Variants in MAPK8 observed in about 807,000 individuals in gnomAD.
MAPK8 encodes mitogen-activated protein kinase 8, also known as JUN N-terminal kinase.
In MAPK8, 13 loss-of-function variants were observed where a neutral mutation model predicts 52.9. The observed-to-expected ratio is 0.25, with a 90% CI of 0.16 to 0.39. MAPK8 has a LOEUF of 0.39. Ranked by LOEUF, MAPK8 falls within the 10% of genes least tolerant of loss-of-function variation. MAPK8 has a pLI of 1.00. For synonymous variants in MAPK8, 191 were observed against 169.8 expected, an observed-to-expected ratio of 1.12 and a Z score of -0.97; for missense variants, 300 against 519.2, an observed-to-expected ratio of 0.58 and a Z score of 4.10.
chr10:48,346,702 G>A (rs1283570042), intron 1 of MAPK8, among the ~76,000 whole-genome samples: 1 of 152,188 alleles, frequency 6.6e-6, no homozygotes, highest in South Asian at 2.1e-4. Flanking sequence ...CCCACTCCTA[G>A]TCTGCCTTCA....
At chr10:48,342,985 T>C (rs557009924) in intron 1 of MAPK8, among the ~76,000 whole-genome samples, 4 of 152,256 alleles carry the variant, frequency 2.6e-5, no homozygotes, top group South Asian at 4.2e-4. Context: ...TTCCCCCTAT[T>C]GAATATCCAG....
intron 1 of MAPK8, among the ~76,000 whole-genome samples, chr10:48,382,831 C>T (rs867303857): frequency 2.8e-5 from 4 of 144,282 alleles, no homozygotes; most frequent in Middle Eastern, 3.3e-3. Context: ...CTCAGGCTAG[C>T]TATATATATA....
chr10:48,344,670 C>A (rs189694648), intron 1 of MAPK8, among the ~76,000 whole-genome samples: 235 of 152,162 alleles, frequency 1.5e-3, no homozygotes, highest in Non-Finnish European at 1.6e-3. Context: ...CTTCTATAAG[C>A]AAGGCTACAG....
chr10:48,332,309 C>A (rs529552131), intron 1 of MAPK8, among the ~76,000 whole-genome samples: 3 of 152,170 alleles, frequency 2.0e-5, no homozygotes, highest in African/African-American at 2.4e-5. Context: ...TTTCTGATCA[C>A]CTTTTTGTTT....
chr10:48,373,626 A>G (rs1285476373), intron 1 of MAPK8, among the ~76,000 whole-genome samples: 2 of 146,632 alleles, frequency 1.4e-5, no homozygotes, highest in African/African-American at 5.1e-5. Flanking sequence ...AGTCTCTGAT[A>G]AAAGAGACTT....
chr10:48,435,614 T>C lies in MAPK8; in HGVS notation c.*585T>C, dbSNP rs1255622517. 6.6e-6 allele frequency: 1 copy of C among 152,210 alleles called. No homozygotes were observed. The highest frequency in any genetic ancestry group is 1.5e-5 in the Non-Finnish European group (1 of 68,048). The allele number at this position is 152,210 out of a possible 1,614,324, so 9.4% of individuals were successfully genotyped here. On this transcript the variant is annotated 3_prime_UTR_variant, in exon 12 of 12. Transcript: ENST00000374189. ...TATTTGCTACTTGCCAATCCTAATT[T>C]AGTTACAAGAATTGGTAGGCAATCC...
At chr10:48,322,543 C>T (rs1019195429) in intron 1 of MAPK8, among the ~76,000 whole-genome samples, 2 of 152,050 alleles carry the variant, frequency 1.3e-5, no homozygotes, top group Non-Finnish European at 2.9e-5. Flanking sequence ...CCGGAGTCTA[C>T]GAAGGCTGGT....
At chr10:48,422,472 A>T (rs1447717391) in intron 6 of MAPK8, among the ~76,000 whole-genome samples, 1 of 152,236 alleles carries the variant, frequency 6.6e-6, no homozygotes, top group Admixed American at 6.5e-5. Context: ...TTGTGCATGA[A>T]TCAGACTTAT....
At chr10:48,370,774 G>T (rs1589101033) in intron 1 of MAPK8, among the ~76,000 whole-genome samples, 1 of 152,070 alleles carries the variant, frequency 6.6e-6, no homozygotes, top group South Asian at 2.1e-4. Flanking sequence ...GATTTTTACT[G>T]TTTCCCCTTT....
At chr10:48,370,756 A>G (rs1006406022) in intron 1 of MAPK8, among the ~76,000 whole-genome samples, 2 of 152,164 alleles carry the variant, frequency 1.3e-5, no homozygotes, top group Non-Finnish European at 2.9e-5. Context: ...TAGAGGGAAG[A>G]AAAGTTAGAT....
chr10:48,410,156 A>G lies in MAPK8; in HGVS notation c.438A>G (p.Gly146=). Residue 146 remains glycine (G), a synonymous_variant, in exon 5 of 12, where the codon GGA becomes GGG. Coordinates refer to ENST00000374189, the MANE Select transcript of MAPK8 (RefSeq NM_001323329.2). ...GAATCAAGCACCTTCATTCTGCTGG[A>G]ATTATTCATCGGGTTAGTAGAAGAA... ...LCGIKHLHSA[G]IIHRDLKPSN... is the part of the protein sequence containing the mutation. 1 of 1,537,154 alleles carries G rather than the reference A, an allele frequency of 6.5e-7. No individual in the cohort carries two copies. The highest frequency in any genetic ancestry group is 2.2e-5 in the Admixed American group (1 of 45,776).
intron 1 of MAPK8, among the ~76,000 whole-genome samples, chr10:48,317,089 A>G (rs1313695635): frequency 6.6e-6 from 1 of 152,188 alleles, no homozygotes; most frequent in Non-Finnish European, 1.5e-5. Flanking sequence ...TAGAGAGATT[A>G]TATGGGAAGT....
At chr10:48,325,228 G>C (rs1347126014) in intron 1 of MAPK8, among the ~76,000 whole-genome samples, 1 of 152,068 alleles carries the variant, frequency 6.6e-6, no homozygotes, top group Non-Finnish European at 1.5e-5. Context: ...TGCCCACCTT[G>C]GCCTCCCGCC....
At chr10:48,404,648 G>C (rs1449478472) in intron 2 of MAPK8, among the ~76,000 whole-genome samples, 4 of 152,132 alleles carry the variant, frequency 2.6e-5, no homozygotes, top group Non-Finnish European at 4.4e-5. Context: ...TGTCTATTTG[G>C]ATCCATTAGC....
At chr10:48,400,220 TCAGA>T (rs1252917087) in intron 1 of MAPK8, among the ~76,000 whole-genome samples, 3 of 152,240 alleles carry the variant, frequency 2.0e-5, no homozygotes, top group African/African-American at 7.2e-5. Context: ...TCTTGTCATT[TCAGA>T]CAGTCTTCCC....
At chr10:48,433,444 C>G (rs570608863) in intron 11 of MAPK8, among the ~76,000 whole-genome samples, 2 of 152,230 alleles carry the variant, frequency 1.3e-5, no homozygotes, top group South Asian at 2.1e-4. Flanking sequence ...AAGGCTCATT[C>G]CAAGTATTGA....
In MAPK8 at chr10:48,439,353, T is replaced by A. The variant is rs1444227065; in HGVS notation, c.*4324T>A. The stretch of plus-strand genomic sequence containing the variant: ...AAAAAAGAAAAAAGTGGTATGAAAA[T>A]TATGAAATTAAGAGTTTTTTCATTG... On this transcript the variant is annotated 3_prime_UTR_variant, in exon 12 of 12. Coordinates refer to ENST00000374189, the MANE Select transcript of MAPK8 (RefSeq NM_001323329.2). The A allele has an allele frequency of 1.3e-5, 2 of 151,270 alleles. No homozygotes were observed. The highest frequency in any genetic ancestry group is 4.9e-5 in the African/African-American group (2 of 41,014). 9.4% of individuals were successfully genotyped at this position (151,270 alleles called of 1,614,324 possible). A position where few individuals can be genotyped will look rare whatever the true frequency, so the allele number is the denominator to read the frequency against.
intron 1 of MAPK8, among the ~76,000 whole-genome samples, chr10:48,323,424 A>C (rs1003175926): frequency 6.6e-6 from 1 of 152,214 alleles, no homozygotes; most frequent in Non-Finnish European, 1.5e-5. Context: ...GAAGGAGTCA[A>C]CTTTGGGGCT....
rs117766604 is a variant in MAPK8, at chr10:48,345,492, T to A, written c.-50+38671T>A. On this transcript the variant is annotated intron_variant, in intron 1 of 11. Coordinates refer to ENST00000374189, the MANE Select transcript of MAPK8 (RefSeq NM_001323329.2). Reference sequence around the variant, plus strand: ...ATTTCTTTTGAGTCCAAGATCTAATTCTGTTCACACACACACACCTTTGCC... The same window carrying A: ...ATTTCTTTTGAGTCCAAGATCTAATACTGTTCACACACACACACCTTTGCC... Among the ~76,000 whole-genome samples, 389 of 152,318 alleles carry A rather than the reference T, an allele frequency of 2.6e-3. 1 individual carries two copies. The highest frequency in any genetic ancestry group is 0.021 in the South Asian group (100 of 4,832).
Sources: gnomAD v4.1 joint callset for allele counts (sites outside exome capture counted in the v4.1 genomes callset) on GRCh38, gnomAD v4.1.1 for gene constraint, MANE v1.5 for transcripts, NCBI Gene and HGNC (gene_info 2026-07-23, HGNC 2026-07-21) for gene names.